Variants in GALNT13 observed in about 807,000 individuals in gnomAD.
GALNT13 encodes polypeptide N-acetylgalactosaminyltransferase 13, also known as UDP-GalNAc:polypeptide N-acetylgalactosaminyltransferase 13.
A neutral mutation model predicts 64.2 loss-of-function variants in GALNT13; 28 were observed. The ratio of observed to expected loss-of-function variants is 0.44; its 90% CI spans 0.32 to 0.60. GALNT13 has a LOEUF of 0.60. GALNT13 is among the 20% of genes least tolerant of loss of function. GALNT13 has a pLI of 0.05. For synonymous variants in GALNT13, 214 were observed against 224.6 expected, an observed-to-expected ratio of 0.95 and a Z score of 0.42; for missense variants, 577 against 669.8, an observed-to-expected ratio of 0.86 and a Z score of 1.53.
the GALNT13 span, among the ~76,000 whole-genome samples, chr2:153,803,684 T>C: frequency 4.5e-5 from 5 of 109,954 alleles, no homozygotes; most frequent in African/African-American, 1.7e-4. Context: ...AGATCGAGAC[T>C]CTGTCTCAAA....
At chr2:153,424,952 C>T in the GALNT13 span, among the ~76,000 whole-genome samples, 1 of 151,730 alleles carries the variant, frequency 6.6e-6, no homozygotes, top group Non-Finnish European at 1.5e-5. Flanking sequence ...ATCATGTCTA[C>T]CTACATCACC....
chr2:154,191,054 T>C (rs1333775666), intron 4 of GALNT13, among the ~76,000 whole-genome samples: 1 of 152,132 alleles, frequency 6.6e-6, no homozygotes, highest in Non-Finnish European at 1.5e-5. Context: ...ATCCTTAACA[T>C]CGTAAAATAT....
chr2:153,481,315 T>C, the GALNT13 span, among the ~76,000 whole-genome samples: 1 of 152,184 alleles, frequency 6.6e-6, no homozygotes, highest in Non-Finnish European at 1.5e-5. Flanking sequence ...GCTAGAGAAA[T>C]CTTTATGTTT....
the GALNT13 span, among the ~76,000 whole-genome samples, chr2:153,206,059 G>GA: frequency 6.4e-3 from 960 of 149,102 alleles, 16 homozygotes; most frequent in Non-Finnish European, 6.4e-3. Flanking sequence ...CTAGGAAAAT[G>GA]AAAAAAAAAG....
chr2:153,371,751 A>C, the GALNT13 span, among the ~76,000 whole-genome samples: 1 of 152,206 alleles, frequency 6.6e-6, no homozygotes, highest in African/African-American at 2.4e-5. Flanking sequence ...ATTCTAAGAA[A>C]TCCCAATCAA....
chr2:154,150,067 T>C lies in GALNT13; in HGVS notation c.311+9562T>C, dbSNP rs147731825. On this transcript the variant is annotated intron_variant, in intron 4 of 12. Coordinates refer to ENST00000392825, the MANE Select transcript of GALNT13 (RefSeq NM_052917.4). Reference sequence around the variant, plus strand: ...CAGTATGATATTCGCTGTGGGTTTGTCATAGATAGCTCTTATTATTTTGAG... The same window carrying C: ...CAGTATGATATTCGCTGTGGGTTTGCCATAGATAGCTCTTATTATTTTGAG... Among the ~76,000 whole-genome samples the C allele has an allele frequency of 3.8e-3, 576 of 152,324 alleles. 7 individuals carry two copies. The highest frequency in any genetic ancestry group is 0.013 in the African/African-American group (553 of 41,566).
intron 3 of GALNT13, among the ~76,000 whole-genome samples, chr2:153,948,658 T>G (rs1691946738): frequency 6.6e-6 from 1 of 152,138 alleles, no homozygotes; most frequent in Non-Finnish European, 1.5e-5. Context: ...ATATACACTA[T>G]GGAATACTAT....
the GALNT13 span, among the ~76,000 whole-genome samples, chr2:153,204,117 CTG>C: frequency 6.6e-6 from 1 of 152,206 alleles, no homozygotes; most frequent in Admixed American, 6.5e-5. Flanking sequence ...GTGTGTATAA[CTG>C]TAGACTCTCA....
the GALNT13 span, among the ~76,000 whole-genome samples, chr2:153,274,665 T>C: frequency 6.6e-6 from 1 of 152,140 alleles, no homozygotes; most frequent in African/African-American, 2.4e-5. Context: ...GCATTTGGAG[T>C]CTCTCCTTCT....
chr2:153,721,102 C>G, the GALNT13 span, among the ~76,000 whole-genome samples: 118 of 148,368 alleles, frequency 8.0e-4, 1 homozygote, highest in Middle Eastern at 3.5e-3. Context: ...ATCAGACTAA[C>G]AGCGGATCTC....
Position 154,290,662 on chromosome 2 carries a change from C to T in GALNT13, c.976-10747C>T, listed in dbSNP as rs571313977. Among the ~76,000 whole-genome samples the T allele has an allele frequency of 2.6e-5, 4 of 152,302 alleles. No homozygotes were observed. The East Asian group carries it at 7.7e-4, about 29-fold the overall frequency. On this transcript the variant is annotated intron_variant, in intron 8 of 12. Coordinates refer to ENST00000392825, the MANE Select transcript of GALNT13 (RefSeq NM_052917.4). ...CTCAGTGCTATAGCTGCTAGGAGGGCTCATGTTGTGTCCAGAATTGGTGGA... is the reference window on the plus strand; with the variant it reads ...CTCAGTGCTATAGCTGCTAGGAGGGTTCATGTTGTGTCCAGAATTGGTGGA...
the GALNT13 span, among the ~76,000 whole-genome samples, chr2:153,198,226 G>A: frequency 6.6e-6 from 1 of 152,140 alleles, no homozygotes; most frequent in Non-Finnish European, 1.5e-5. Flanking sequence ...GTGGGTGTGT[G>A]GGACCCAGCA....
At chr2:154,372,576 A>G (rs1697760241) in intron 9 of GALNT13, among the ~76,000 whole-genome samples, 1 of 152,160 alleles carries the variant, frequency 6.6e-6, no homozygotes, top group Non-Finnish European at 1.5e-5. Context: ...CTATTAGGTT[A>G]TGATACAGCC....
At chr2:154,186,713 T>C (rs921888428) in intron 4 of GALNT13, among the ~76,000 whole-genome samples, 1 of 152,140 alleles carries the variant, frequency 6.6e-6, no homozygotes, top group Non-Finnish European at 1.5e-5. Flanking sequence ...AATTGTTTTC[T>C]CACAGTCCTA....
chr2:153,719,557 A>G, the GALNT13 span, among the ~76,000 whole-genome samples: 2 of 152,182 alleles, frequency 1.3e-5, no homozygotes, highest in South Asian at 2.1e-4. Context: ...TACTGGGTTC[A>G]TCTCACTAGG....
the GALNT13 span, among the ~76,000 whole-genome samples, chr2:153,651,950 G>T: frequency 6.6e-6 from 1 of 152,124 alleles, no homozygotes; most frequent in Non-Finnish European, 1.5e-5. Flanking sequence ...ACCAGTGGAT[G>T]CTTCTTAAGT....
the GALNT13 span, among the ~76,000 whole-genome samples, chr2:153,542,566 C>T: frequency 1.3e-5 from 2 of 152,074 alleles, no homozygotes; most frequent in African/African-American, 2.4e-5. Flanking sequence ...ACTGAACTAA[C>T]AGGATTCTTG....
intron 2 of GALNT13, among the ~76,000 whole-genome samples, chr2:153,941,864 AG>A (rs1419289126): frequency 6.6e-6 from 1 of 152,168 alleles, no homozygotes; most frequent in East Asian, 1.9e-4. Flanking sequence ...ACAGCAACTT[AG>A]TTTTTCACAT....
the GALNT13 span, among the ~76,000 whole-genome samples, chr2:153,504,593 A>G: frequency 6.6e-6 from 1 of 152,158 alleles, no homozygotes; most frequent in East Asian, 1.9e-4. Context: ...TTAATCATAA[A>G]CGGATGCTGG....
Sources: gnomAD v4.1 joint callset for allele counts (sites outside exome capture counted in the v4.1 genomes callset) on GRCh38, gnomAD v4.1.1 for gene constraint, MANE v1.5 for transcripts, NCBI Gene and HGNC (gene_info 2026-07-23, HGNC 2026-07-21) for gene names.